ATAD2B: variants seen among roughly 807,000 people sequenced by gnomAD.
The protein encoded by ATAD2B is ATPase family AAA domain containing 2B.
In ATAD2B, 40 loss-of-function variants were observed where a neutral mutation model predicts 167.6. The observed-to-expected ratio is 0.24, with a 90% CI of 0.19 to 0.31. ATAD2B has a LOEUF of 0.31. ATAD2B is among the 10% of genes least tolerant of loss of function. ATAD2B has a pLI of 1.00. For synonymous variants in ATAD2B, 579 were observed against 596.5 expected, an observed-to-expected ratio of 0.97 and a Z score of 0.43; for missense variants, 1,242 against 1,757.2, an observed-to-expected ratio of 0.71 and a Z score of 5.24.
At chr2:23,864,074 G>C (rs56303870) in intron 11 of ATAD2B, among the ~76,000 whole-genome samples, 1 of 149,800 alleles carries the variant, frequency 6.7e-6, no homozygotes, top group African/African-American at 2.5e-5. Context: ...GCGCAATCTC[G>C]GCTCACTACA....
intron 10 of ATAD2B, among the ~76,000 whole-genome samples, chr2:23,865,245 T>A (rs1033760910): frequency 3.9e-5 from 6 of 152,034 alleles, no homozygotes; most frequent in Non-Finnish European, 5.9e-5. Flanking sequence ...CAAGTTTTAA[T>A]GGGCCTGGCA....
intron 2 of ATAD2B, among the ~76,000 whole-genome samples, chr2:23,891,827 A>G (rs1419240448): frequency 6.6e-6 from 1 of 151,960 alleles, no homozygotes; most frequent in Non-Finnish European, 1.5e-5. Context: ...TTTAAATGGA[A>G]CCAGTTTCAC....
At chr2:23,895,226 A>T (rs1414192839) in intron 2 of ATAD2B, among the ~76,000 whole-genome samples, 1 of 152,136 alleles carries the variant, frequency 6.6e-6, no homozygotes, top group Non-Finnish European at 1.5e-5. Context: ...TTCTGATTTC[A>T]ATGTTTAAAT....
intron 24 of ATAD2B, among the ~76,000 whole-genome samples, chr2:23,761,177 C>G (rs554108548): frequency 6.6e-6 from 1 of 152,346 alleles, no homozygotes; most frequent in South Asian, 2.1e-4. Context: ...GCCAAATAGG[C>G]TTAATCAGTT....
chr2:23,736,935 T>TC, the ATAD2B span, among the ~76,000 whole-genome samples: 1 of 152,158 alleles, frequency 6.6e-6, no homozygotes, highest in South Asian at 2.1e-4. Flanking sequence ...CCAAGGAGTC[T>TC]CCCTCATTGC....
chr2:23,753,407 AATAG>A (rs1675584678), intron 27 of ATAD2B, among the ~76,000 whole-genome samples: 1 of 152,192 alleles, frequency 6.6e-6, no homozygotes, highest in African/African-American at 2.4e-5. Flanking sequence ...ATAAACATTT[AATAG>A]ATAGACCACC....
At chr2:23,729,366 T>C in the ATAD2B span, among the ~76,000 whole-genome samples, 3 of 152,104 alleles carry the variant, frequency 2.0e-5, no homozygotes, top group Non-Finnish European at 4.4e-5. Context: ...AAGCAGGAGA[T>C]TCACAGCAAC....
chr2:23,902,519 C>A (rs1700965308), intron 1 of ATAD2B, among the ~76,000 whole-genome samples: 1 of 152,196 alleles, frequency 6.6e-6, no homozygotes, highest in South Asian at 2.1e-4. Context: ...ACTTTTTCAT[C>A]TTCCCTCAAA....
the ATAD2B span, among the ~76,000 whole-genome samples, chr2:23,704,861 A>C: frequency 6.6e-6 from 1 of 152,264 alleles, no homozygotes; most frequent in Non-Finnish European, 1.5e-5. Context: ...GTAACTGCAG[A>C]ATCTTCAGTG....
At chr2:23,703,190 G>A in the ATAD2B span, 4 of 1,441,224 alleles carry the variant, frequency 2.8e-6, no homozygotes, top group Non-Finnish European at 3.7e-6. Flanking sequence ...CTGCAGGTAC[G>A]ACACCATCAC....
chr2:23,811,714 T>C (rs1685623964), intron 17 of ATAD2B, among the ~76,000 whole-genome samples: 1 of 151,968 alleles, frequency 6.6e-6, no homozygotes, highest in Non-Finnish European at 1.5e-5. Context: ...ACCTGCACAT[T>C]CTGCATATGT....
At chr2:23,698,747 C>T in the ATAD2B span, among the ~76,000 whole-genome samples, 13 of 152,132 alleles carry the variant, frequency 8.5e-5, no homozygotes, top group Non-Finnish European at 7.4e-5. Flanking sequence ...ACGCCTCACT[C>T]GGCAGGGTCA....
At position 23,875,848 on chromosome 2, in the gene ATAD2B, C is replaced by A; in HGVS notation, c.958G>T (p.Ala320Ser). Residue 320 changes from alanine to serine, a missense_variant, in exon 8 of 28, where the codon GCA becomes TCA. By Grantham distance (99) the Ala-to-Ser change is moderately conservative. Transcript: ENST00000238789. ...NTLFDIHRSPARRSHIRRKKH... is the reference protein window; with the variant it reads ...NTLFDIHRSPSRRSHIRRKKH... ...CCTTACCTAATATGGCTTCTTCTTGCTGGAGATCTATGAATATCAAACAGC... is the reference window on the plus strand; with the variant it reads ...CCTTACCTAATATGGCTTCTTCTTGATGGAGATCTATGAATATCAAACAGC... The A allele has an allele frequency of 6.2e-7, 1 of 1,609,514 alleles. No individual in the cohort carries two copies. Among genetic ancestry groups the A allele is most frequent in the Non-Finnish European group, 8.5e-7 (1 of 1,177,602 alleles).
chr2:23,857,885 G>A (rs1693677822), intron 12 of ATAD2B, among the ~76,000 whole-genome samples: 1 of 151,464 alleles, frequency 6.6e-6, no homozygotes. Flanking sequence ...GGGACTACAG[G>A]CGCACACCAC....
chr2:23,796,109 G>C (rs925370589), intron 19 of ATAD2B, among the ~76,000 whole-genome samples: 1 of 152,014 alleles, frequency 6.6e-6, no homozygotes, highest in Non-Finnish European at 1.5e-5. Context: ...TTAAGACTTG[G>C]GAACAGAGGA....
chr2:23,847,429 T>C (rs1195346947), intron 13 of ATAD2B, among the ~76,000 whole-genome samples: 19 of 150,900 alleles, frequency 1.3e-4, no homozygotes, highest in African/African-American at 4.4e-4. Context: ...GGCTTGAACC[T>C]GGGAGGCGGA....
At chr2:23,885,883 A>G in intron 4 of ATAD2B, 54 bp from the exon 5 acceptor site, 1 of 1,027,790 alleles carries the variant, frequency 9.7e-7, no homozygotes, top group East Asian at 2.6e-5. Flanking sequence ...CATATACATA[A>G]AAGAGCTCTT....
chr2:23,796,012 T>A lies in ATAD2B; in HGVS notation c.2640+2126A>T, dbSNP rs143430713. 5.9e-5 allele frequency among the ~76,000 whole-genome samples: 9 copies of A among 151,924 alleles called. No individual in the cohort carries two copies. In the East Asian group the frequency reaches 1.7e-3, roughly 30 times the overall value. On this transcript the variant is annotated intron_variant, in intron 19 of 27. Coordinates refer to ENST00000238789, the MANE Select transcript of ATAD2B (RefSeq NM_017552.4). The stretch of plus-strand genomic sequence containing the variant: ...ATTTTGGGAGGCTGAGGCAGGAGGA[T>A]CACTTGAGACCAGGAGTCAAGACCA...
At chr2:23,886,008 G>T (rs940258353) in intron 4 of ATAD2B, among the ~76,000 whole-genome samples, 179 bp from the exon 5 acceptor site, 2 of 152,008 alleles carry the variant, frequency 1.3e-5, no homozygotes, top group African/African-American at 4.8e-5. Flanking sequence ...GCAGTGGCCT[G>T]TTCATGGCTC....
Sources: allele counts gnomAD v4.1 joint callset (sites outside exome capture counted in the v4.1 genomes callset), GRCh38; gene constraint gnomAD v4.1.1; transcripts MANE v1.5; gene names NCBI Gene and HGNC (gene_info 2026-07-23, HGNC 2026-07-21).